SLC41A2: variants seen among roughly 807,000 people sequenced by gnomAD.
SLC41A2 encodes the protein SLC41A1-like 1.
In SLC41A2, 32 loss-of-function variants were observed where a neutral mutation model predicts 58.3. That is an observed-to-expected ratio of 0.55 (90% confidence interval 0.41 to 0.74). SLC41A2 has a LOEUF of 0.74. Among genes scored for constraint, SLC41A2 ranks in the 30% least tolerant of loss-of-function variants. The pLI, the probability that SLC41A2 is intolerant of heterozygous loss-of-function variation, is 0.00. For missense variants in SLC41A2, 514 were observed against 680.6 expected, an observed-to-expected ratio of 0.76 and a Z score of 2.72; for synonymous variants, 190 against 235.0, an observed-to-expected ratio of 0.81 and a Z score of 1.75.
At chr12:104,843,821 G>A (rs2042507229) in intron 10 of SLC41A2, among the ~76,000 whole-genome samples, 1 of 152,080 alleles carries the variant, frequency 6.6e-6, no homozygotes, top group Admixed American at 6.6e-5. Flanking sequence ...CATTTTGTGA[G>A]AATTAAATGA....
chr12:104,865,818 C>T (rs2043416104), intron 7 of SLC41A2, among the ~76,000 whole-genome samples: 1 of 152,148 alleles, frequency 6.6e-6, no homozygotes, highest in African/African-American at 2.4e-5. Flanking sequence ...AGAAATGCTA[C>T]AATGTTATTT....
At chr12:104,949,188 A>G (rs561738505) in intron 1 of SLC41A2, among the ~76,000 whole-genome samples, 31 of 152,336 alleles carry the variant, frequency 2.0e-4, no homozygotes, top group African/African-American at 7.0e-4. Context: ...ATTGCACTCC[A>G]GCCTGGGTAA....
chr12:104,873,447 T>C (rs1027380052), intron 6 of SLC41A2, among the ~76,000 whole-genome samples: 1 of 152,208 alleles, frequency 6.6e-6, no homozygotes, highest in South Asian at 2.1e-4. Flanking sequence ...ATTTAGGTTG[T>C]TTCCATATCT....
intron 8 of SLC41A2, among the ~76,000 whole-genome samples, chr12:104,856,447 G>A (rs2043022447): frequency 1.3e-5 from 2 of 152,072 alleles, no homozygotes; most frequent in South Asian, 4.1e-4. Context: ...ATACTATAAT[G>A]AGTTGAAAAA....
chr12:104,918,044 A>G (rs1291743921), intron 2 of SLC41A2, among the ~76,000 whole-genome samples: 1 of 150,022 alleles, frequency 6.7e-6, no homozygotes, highest in Non-Finnish European at 1.5e-5. Flanking sequence ...ACTTTTAAAC[A>G]TATGACAAAA....
intron 1 of SLC41A2, among the ~76,000 whole-genome samples, chr12:104,945,026 G>T (rs1374807695): frequency 6.6e-6 from 1 of 151,262 alleles, no homozygotes; most frequent in African/African-American, 2.4e-5. Flanking sequence ...CAAAAATTAG[G>T]CAGGCGTGGT....
Position 104,904,378 on chromosome 12 carries a change from A to G in SLC41A2, c.663+5277T>C, listed in dbSNP as rs1309987119. 3.3e-5 allele frequency among the ~76,000 whole-genome samples: 5 copies of G among 152,182 alleles called. No individual in the cohort carries two copies. In the East Asian group the frequency reaches 9.6e-4, roughly 29 times the overall value. ...CAAATGTTGCCACTTTTGTTTCTCA[A>G]GGCCTCTTCATTCTCTTCTCCCGCC... On this transcript the variant is annotated intron_variant, in intron 3 of 10. Transcript: ENST00000258538.
At chr12:104,895,194 C>G in intron 4 of SLC41A2, 80 bp downstream of exon 4, 1 of 1,017,736 alleles carries the variant, frequency 9.8e-7, no homozygotes, top group South Asian at 1.3e-5. Context: ...ACTCATAGTA[C>G]TAAAATTTAC....
intron 9 of SLC41A2, among the ~76,000 whole-genome samples, chr12:104,845,053 G>A (rs1212034158): frequency 2.6e-5 from 4 of 152,098 alleles, no homozygotes; most frequent in Admixed American, 2.0e-4. Flanking sequence ...GGAGGCCAAG[G>A]TGGGAGGACT....
chr12:104,811,881 A>AAAAG (rs1422966506), intron 10 of SLC41A2, among the ~76,000 whole-genome samples: 6 of 152,248 alleles, frequency 3.9e-5, no homozygotes, highest in African/African-American at 1.4e-4. Flanking sequence ...GGCTAAGGCC[A>AAAAG]AAAGATTACT....
At chr12:104,899,938 T>C (rs1330408400) in intron 3 of SLC41A2, among the ~76,000 whole-genome samples, 1 of 152,132 alleles carries the variant, frequency 6.6e-6, no homozygotes, top group Non-Finnish European at 1.5e-5. Flanking sequence ...CTCATTTAGG[T>C]TATTCCTATG....
intron 2 of SLC41A2, among the ~76,000 whole-genome samples, chr12:104,926,544 C>T (rs930600029): frequency 2.6e-5 from 4 of 151,000 alleles, no homozygotes; most frequent in Admixed American, 6.6e-5. Flanking sequence ...GCCAAGATCA[C>T]GCCACTGCAC....
intron 2 of SLC41A2, among the ~76,000 whole-genome samples, chr12:104,924,771 C>A (rs1025574337): frequency 4.6e-5 from 7 of 151,870 alleles, no homozygotes; most frequent in Non-Finnish European, 1.0e-4. Flanking sequence ...CTGGAAGCAC[C>A]ATTCCTCCCA....
intron 10 of SLC41A2, among the ~76,000 whole-genome samples, chr12:104,834,626 AG>A (rs143806568): frequency 0.019 from 2,823 of 152,126 alleles, 30 homozygotes; most frequent in African/African-American, 0.034. Context: ...CTGGTTGCTT[AG>A]GTTTTTCCTT....
intron 1 of SLC41A2, among the ~76,000 whole-genome samples, chr12:104,940,070 A>G (rs2047442407): frequency 2.6e-5 from 4 of 151,706 alleles, no homozygotes; most frequent in Admixed American, 2.6e-4. Flanking sequence ...CTGGAGTGCA[A>G]CGGCGTGATC....
At chr12:104,827,295 C>T (rs2041880027) in intron 10 of SLC41A2, among the ~76,000 whole-genome samples, 1 of 152,172 alleles carries the variant, frequency 6.6e-6, no homozygotes, top group South Asian at 2.1e-4. Context: ...TAGAGAACCT[C>T]CTTAAAGTAG....
At chr12:104,903,020 C>T (rs1397171543) in intron 3 of SLC41A2, among the ~76,000 whole-genome samples, 2 of 152,168 alleles carry the variant, frequency 1.3e-5, no homozygotes, top group Non-Finnish European at 2.9e-5. Context: ...TACTAATTTG[C>T]TTGCTTTTAC....
intron 4 of SLC41A2, among the ~76,000 whole-genome samples, chr12:104,894,737 A>G (rs1441240626): frequency 1.3e-5 from 2 of 152,166 alleles, no homozygotes; most frequent in Non-Finnish European, 2.9e-5. Context: ...AGGCAGAAGA[A>G]AAAGAGAAAC....
intron 4 of SLC41A2, among the ~76,000 whole-genome samples, chr12:104,889,546 A>G (rs1365586701): frequency 6.6e-6 from 1 of 152,188 alleles, no homozygotes; most frequent in Admixed American, 6.5e-5. Flanking sequence ...AAGAGATTGG[A>G]TTTTATAATA....
Sources: allele counts gnomAD v4.1 joint callset (sites outside exome capture counted in the v4.1 genomes callset), GRCh38; gene constraint gnomAD v4.1.1; transcripts MANE v1.5; gene names NCBI Gene and HGNC (gene_info 2026-07-23, HGNC 2026-07-21).